USP22: variants seen among roughly 807,000 people sequenced by gnomAD.
USP22 encodes the protein ubiquitin specific peptidase 22.
A neutral mutation model predicts 68.1 loss-of-function variants in USP22; 22 were observed. The observed-to-expected ratio is 0.32, with a 90% CI of 0.23 to 0.46. The LOEUF is 0.46. Among genes scored for constraint, USP22 ranks in the 20% least tolerant of loss-of-function variants. USP22 has a pLI of 1.00. For synonymous variants in USP22, 279 were observed against 274.2 expected, an observed-to-expected ratio of 1.02 and a Z score of -0.17; for missense variants, 433 against 695.8, an observed-to-expected ratio of 0.62 and a Z score of 4.25.
intron 1 of USP22, among the ~76,000 whole-genome samples, chr17:21,040,278 G>A (rs918150351): frequency 1.3e-5 from 2 of 152,190 alleles, no homozygotes; most frequent in African/African-American, 4.8e-5. Flanking sequence ...TTAATCATCA[G>A]GTTTGTTAAA....
intron 1 of USP22, among the ~76,000 whole-genome samples, chr17:21,036,812 A>G (rs373074480): frequency 2.6e-5 from 4 of 152,234 alleles, no homozygotes; most frequent in African/African-American, 7.2e-5. Flanking sequence ...GTATATACAC[A>G]CCTGTTTCCC....
rs1355508941 is a variant in USP22, at chr17:21,015,973, A to G, written c.691-74T>C. The G allele has an allele frequency of 3.3e-6, 5 of 1,499,470 alleles. No individual in the cohort carries two copies. In the East Asian group the frequency reaches 1.2e-4, roughly 37 times the overall value. 92.9% of individuals were successfully genotyped at this position (1,499,470 alleles called of 1,614,324 possible). A position where few individuals can be genotyped will look rare whatever the true frequency, so the allele number is the denominator to read the frequency against. ...TGAACACAGAGTACACACAATCAAAACCTTTATCAGATGCCTACCATTGGC... is the reference window on the plus strand; with the variant it reads ...TGAACACAGAGTACACACAATCAAAGCCTTTATCAGATGCCTACCATTGGC... On this transcript the variant is annotated intron_variant, in intron 5 of 12. Coordinates refer to ENST00000261497, the MANE Select transcript of USP22 (RefSeq NM_015276.2).
At chr17:21,035,247 G>C (rs149168558) in intron 1 of USP22, among the ~76,000 whole-genome samples, 48 of 152,240 alleles carry the variant, frequency 3.2e-4, no homozygotes, top group African/African-American at 1.2e-3. Flanking sequence ...TCTTACCAGA[G>C]CTGCTAACAT....
rs1913744295 is a variant in USP22, at chr17:21,005,276, G to A, written c.1323-286C>T. Reference sequence around the variant, plus strand: ...GCTGGTAATGGGAGCTGGATCTGGAGGAATGTGAGTTTGGTTTGTGACAAA... The same window carrying A: ...GCTGGTAATGGGAGCTGGATCTGGAAGAATGTGAGTTTGGTTTGTGACAAA... On this transcript the variant is annotated intron_variant, in intron 10 of 12. Transcript: ENST00000261497. The A allele has an allele frequency of 7.5e-6, 3 of 399,642 alleles. No individual in the cohort carries two copies. In the South Asian group the frequency reaches 1.2e-4, roughly 17 times the overall value. The allele number at this position is 399,642 out of a possible 1,614,324, so 24.8% of individuals were successfully genotyped here. A position where few individuals can be genotyped will look rare whatever the true frequency, so the allele number is the denominator to read the frequency against.
At chr17:21,028,515 T>G in intron 2 of USP22, 27 bp downstream of exon 2, 1 of 1,610,696 alleles carries the variant, frequency 6.2e-7, no homozygotes, top group Non-Finnish European at 8.5e-7. Context: ...GCCACAACTA[T>G]CCCCCCATCC....
chr17:21,027,185 G>C (rs1033400820), intron 2 of USP22, among the ~76,000 whole-genome samples: 1 of 149,774 alleles, frequency 6.7e-6, no homozygotes, highest in Admixed American at 6.7e-5. Context: ...CCCAACGAGA[G>C]GCTGAGGCAG....
chr17:21,002,707 G>A lies in USP22; in HGVS notation c.*324C>T, dbSNP rs371959256. 1.8e-5 allele frequency: 6 copies of A among 328,108 alleles called. No homozygotes were observed. In the Admixed American group the frequency reaches 2.1e-4, roughly 12 times the overall value. The allele number at this position is 328,108 out of a possible 1,614,324, so 20.3% of individuals were successfully genotyped here. A position where few individuals can be genotyped will look rare whatever the true frequency, so the allele number is the denominator to read the frequency against. Reference sequence around the variant, plus strand: ...CGAGTGCTGGGGAACGCCAGGCAGCGGTCACTCTGTGCTGTGAGGCCCCCG... The same window carrying A: ...CGAGTGCTGGGGAACGCCAGGCAGCAGTCACTCTGTGCTGTGAGGCCCCCG... On this transcript the variant is annotated 3_prime_UTR_variant, in exon 13 of 13. Transcript: ENST00000261497.
At position 21,041,730 on chromosome 17, in the gene USP22, A is replaced by C. The variant is rs574705524; in HGVS notation, c.171+935T>G. 7.9e-5 allele frequency among the ~76,000 whole-genome samples: 12 copies of C among 152,368 alleles called. No individual in the cohort carries two copies. In the South Asian group the frequency reaches 2.5e-3, roughly 32 times the overall value. ...CTCACAACTCCCAATCTCGGATTGT[A>C]ATCTACAAAAGCGCGTGAAACTGTA... On this transcript the variant is annotated intron_variant, in intron 1 of 12. Transcript: ENST00000261497.
chr17:21,018,963 A>T (rs1972121569), intron 4 of USP22, 121 bp downstream of exon 4: 3 of 1,019,220 alleles, frequency 2.9e-6, no homozygotes, highest in Admixed American at 4.1e-5. Flanking sequence ...GAGCACATTG[A>T]TGAGTGACAG....
In USP22 at chr17:21,028,692, G is replaced by A. The variant is rs1972252564; in HGVS notation, c.172-18C>T. On this transcript the variant is annotated intron_variant, in intron 1 of 12. Coordinates refer to ENST00000261497, the MANE Select transcript of USP22 (RefSeq NM_015276.2). Reference sequence around the variant, plus strand: ...GACTTGGCCTGAAATTCAGAGAAGAGGAGGAGTGAACGCTGTGTGATAAGA... The same window carrying A: ...GACTTGGCCTGAAATTCAGAGAAGAAGAGGAGTGAACGCTGTGTGATAAGA... 3.1e-6 allele frequency: 5 copies of A among 1,612,520 alleles called. No homozygotes were observed. The East Asian group carries it at 6.7e-5, about 22-fold the overall frequency.
Position 21,035,886 on chromosome 17 carries a change from C to G in USP22, c.171+6779G>C, listed in dbSNP as rs147614966. The stretch of plus-strand genomic sequence containing the variant: ...TCTACTAAAAATACAAAAAAATTAG[C>G]TGGGCGTGGTGGCAGGCGCCTGTAG... On this transcript the variant is annotated intron_variant, in intron 1 of 12. Transcript: ENST00000261497. 6.7e-3 allele frequency among the ~76,000 whole-genome samples: 1,021 copies of G among 151,902 alleles called. 9 individuals carry two copies. Among genetic ancestry groups the G allele is most frequent in the African/African-American group, 0.023 (955 of 41,394 alleles).
intron 1 of USP22, among the ~76,000 whole-genome samples, chr17:21,034,920 T>C (rs949967964): frequency 6.6e-6 from 1 of 152,242 alleles, no homozygotes; most frequent in Non-Finnish European, 1.5e-5. Flanking sequence ...AGTTTGCACG[T>C]AATACAAATG....
At chr17:21,016,170 C>T (rs1914126012) in intron 5 of USP22, among the ~76,000 whole-genome samples, 1 of 152,192 alleles carries the variant, frequency 6.6e-6, no homozygotes, top group Non-Finnish European at 1.5e-5. Context: ...ACTATGAGAT[C>T]ACATGCAAAT....
At chr17:21,021,323 C>A in intron 2 of USP22, 97 bp from the exon 3 acceptor site, 1 of 784,354 alleles carries the variant, frequency 1.3e-6, no homozygotes, top group Non-Finnish European at 2.2e-6. Flanking sequence ...TCTGTAGATA[C>A]TGACTGTTCA....
chr17:21,020,244 CAAAAAAAAAAA>C (rs3047597), intron 3 of USP22, among the ~76,000 whole-genome samples: 6 of 73,284 alleles, frequency 8.2e-5, no homozygotes, highest in East Asian at 6.4e-4. Context: ...AATCAAAAAC[CAAAAAAAAAAA>C]AAAAAAAAAA....
At chr17:21,028,204 CTCTT>C (rs1474459370) in intron 2 of USP22, among the ~76,000 whole-genome samples, 1 of 152,178 alleles carries the variant, frequency 6.6e-6, no homozygotes, top group Admixed American at 6.5e-5. Flanking sequence ...TTGCATGGAG[CTCTT>C]TCTTTATAAA....
chr17:21,012,720 T>G, intron 7 of USP22, 110 bp downstream of exon 7: 10 of 989,256 alleles, frequency 1.0e-5, no homozygotes, highest in Non-Finnish European at 3.1e-6. Context: ...ATCATTTATC[T>G]CATAGCCTCC....
intron 3 of USP22, among the ~76,000 whole-genome samples, chr17:21,020,268 A>AAAAAAAAAAAAAAAAAAC: frequency 6.8e-6 from 1 of 146,796 alleles, no homozygotes; most frequent in East Asian, 1.9e-4. Context: ...AAAAAAAAAA[A>AAAAAAAAAAAAAAAAAAC]AGGAAAAAAA....
At chr17:21,016,486 G>A (rs1029928594) in intron 5 of USP22, among the ~76,000 whole-genome samples, 3 of 152,222 alleles carry the variant, frequency 2.0e-5, no homozygotes, top group African/African-American at 4.8e-5. Context: ...ATTCAGGGCA[G>A]TTTTATTTCT....
Sources: gnomAD v4.1 joint callset for allele counts (sites outside exome capture counted in the v4.1 genomes callset) on GRCh38, gnomAD v4.1.1 for gene constraint, MANE v1.5 for transcripts, NCBI Gene and HGNC (gene_info 2026-07-23, HGNC 2026-07-21) for gene names.